Variants in PTPRO observed in about 807,000 individuals in gnomAD.
The protein encoded by PTPRO is protein tyrosine phosphatase receptor type O.
Under a neutral mutation model 145.2 loss-of-function variants are expected in PTPRO, and 62 were observed. That is an observed-to-expected ratio of 0.43 (90% CI 0.35 to 0.53). The LOEUF (loss-of-function observed/expected upper bound fraction) is 0.53. PTPRO is among the 20% of genes least tolerant of loss of function. The pLI is 0.01. For missense variants in PTPRO, 1,345 were observed against 1,482.7 expected, an observed-to-expected ratio of 0.91 and a Z score of 1.53; for synonymous variants, 565 against 514.7, an observed-to-expected ratio of 1.10 and a Z score of -1.32.
intron 12 of PTPRO, among the ~76,000 whole-genome samples, chr12:15,545,485 GA>G (rs1385542008): frequency 6.6e-6 from 1 of 150,762 alleles, no homozygotes; most frequent in East Asian, 2.0e-4. Context: ...GTCACAAGCA[GA>G]AGACCAGGAG....
intron 1 of PTPRO, among the ~76,000 whole-genome samples, chr12:15,399,519 A>T (rs191002154): frequency 6.6e-6 from 1 of 152,278 alleles, no homozygotes; most frequent in African/African-American, 2.4e-5. Context: ...ACTTTGTCCC[A>T]CTAATCTAGA....
At chr12:15,546,533 A>G (rs1209370275) in intron 12 of PTPRO, 36 bp from the exon 13 acceptor site, 1 of 1,551,986 alleles carries the variant, frequency 6.4e-7, no homozygotes, top group Admixed American at 2.0e-5. Flanking sequence ...TACACTTAGT[A>G]AATTAAATTT....
At chr12:15,444,479 T>C (rs1302235898) in intron 1 of PTPRO, among the ~76,000 whole-genome samples, 1 of 151,518 alleles carries the variant, frequency 6.6e-6, no homozygotes, top group Non-Finnish European at 1.5e-5. Flanking sequence ...TACCCCCAAA[T>C]CAAAACTAAA....
At chr12:15,465,972 T>G (rs949048062) in intron 1 of PTPRO, among the ~76,000 whole-genome samples, 1 of 152,172 alleles carries the variant, frequency 6.6e-6, no homozygotes. Flanking sequence ...TATTGGATAC[T>G]TAGAATGCAC....
At chr12:15,433,900 G>C (rs971647043) in intron 1 of PTPRO, among the ~76,000 whole-genome samples, 11 of 152,222 alleles carry the variant, frequency 7.2e-5, no homozygotes, top group Admixed American at 2.0e-4. Flanking sequence ...GAAAAATGCC[G>C]TTGGTAGTTA....
intron 1 of PTPRO, 118 bp from the exon 2 acceptor site, chr12:15,483,856 C>A: frequency 9.0e-7 from 1 of 1,106,124 alleles, no homozygotes; most frequent in Non-Finnish European, 1.3e-6. Flanking sequence ...TAAGGCTTAC[C>A]ATAAACATAA....
At chr12:15,361,893 A>G (rs1034504) in intron 1 of PTPRO, among the ~76,000 whole-genome samples, 31,119 of 152,154 alleles carry the variant, frequency 0.2, 3,681 homozygotes, top group Non-Finnish European at 0.27. Context: ...ATTATTTGCA[A>G]TGGAAATGGA....
intron 1 of PTPRO, among the ~76,000 whole-genome samples, chr12:15,462,688 G>A (rs912884436): frequency 8.6e-5 from 13 of 152,006 alleles, no homozygotes; most frequent in African/African-American, 2.9e-4. Flanking sequence ...ATAATAATAA[G>A]CTCTAAATAT....
intron 1 of PTPRO, among the ~76,000 whole-genome samples, chr12:15,478,507 T>A (rs1177571987): frequency 1.3e-5 from 2 of 152,106 alleles, no homozygotes; most frequent in Non-Finnish European, 2.9e-5. Flanking sequence ...AAGATCAATT[T>A]TTCTTTTTAA....
chr12:15,569,604 A>C lies in PTPRO; in HGVS notation c.2829+106A>C, dbSNP rs1279051511. The stretch of plus-strand genomic sequence containing the variant: ...TGCTCACTGGCAGTGCGTAACAAAA[A>C]GGGTATTGGCCTGGGGATTGCTGAT... On this transcript the variant is annotated intron_variant, in intron 19 of 26. Coordinates refer to ENST00000281171, the MANE Select transcript of PTPRO (RefSeq NM_030667.3). 4.9e-6 allele frequency: 5 copies of C among 1,017,694 alleles called. No individual in the cohort carries two copies. In the East Asian group the frequency reaches 1.2e-4, roughly 25 times the overall value. The allele number at this position is 1,017,694 out of a possible 1,614,324, so 63.0% of individuals were successfully genotyped here.
chr12:15,400,328 A>G (rs765957606), intron 1 of PTPRO, among the ~76,000 whole-genome samples: 35 of 152,152 alleles, frequency 2.3e-4, no homozygotes, highest in Non-Finnish European at 3.7e-4. Flanking sequence ...AGTCCTAAAC[A>G]AGACCTACAA....
rs1319630888 is a variant in PTPRO at position 15,583,600 on chromosome 12, C to G, written c.3255+1799C>G. Among the ~76,000 whole-genome samples the G allele has an allele frequency of 3.9e-5, 6 of 152,090 alleles. No individual in the cohort carries two copies. The East Asian group carries it at 1.2e-3, about 29-fold the overall frequency. Reference sequence around the variant, plus strand: ...CCATATATAACATTTTATTAGAACACAGCCTGCATTGTTGACGAATTGTCT... The same window carrying G: ...CCATATATAACATTTTATTAGAACAGAGCCTGCATTGTTGACGAATTGTCT... On this transcript the variant is annotated intron_variant, in intron 23 of 26. Coordinates refer to ENST00000281171, the MANE Select transcript of PTPRO (RefSeq NM_030667.3).
intron 15 of PTPRO, among the ~76,000 whole-genome samples, chr12:15,557,186 A>G (rs1486005782): frequency 3.9e-5 from 6 of 152,018 alleles, no homozygotes; most frequent in Non-Finnish European, 8.8e-5. Context: ...GATTACAGGC[A>G]AGTGCCACCA....
intron 22 of PTPRO, among the ~76,000 whole-genome samples, chr12:15,581,364 G>T (rs1275959871): frequency 1.4e-5 from 2 of 139,582 alleles, no homozygotes; most frequent in Non-Finnish European, 1.5e-5. Flanking sequence ...GCAGTGGCAC[G>T]ATCTCAGCTC....
chr12:15,546,303 T>G lies in PTPRO; in HGVS notation c.2165-266T>G, dbSNP rs78207803. 2,666 of 1,266,948 alleles carry G rather than the reference T, an allele frequency of 2.1e-3. 28 individuals are homozygous for G. In the African/African-American group the frequency reaches 0.032, roughly 15 times the overall value. 78.5% of individuals were successfully genotyped at this position (1,266,948 alleles called of 1,614,324 possible). A position where few individuals can be genotyped will look rare whatever the true frequency, so the allele number is the denominator to read the frequency against. On this transcript the variant is annotated intron_variant, in intron 12 of 26. Coordinates refer to ENST00000281171, the MANE Select transcript of PTPRO (RefSeq NM_030667.3). Reference sequence around the variant, plus strand: ...AATGACACAGAAACTATTAATAGATTATGACTATGATGAAACTGAAGTAGA... The same window carrying G: ...AATGACACAGAAACTATTAATAGATGATGACTATGATGAAACTGAAGTAGA...
chr12:15,588,413 G>C (rs898962471), intron 24 of PTPRO, among the ~76,000 whole-genome samples: 3 of 152,132 alleles, frequency 2.0e-5, no homozygotes, highest in Admixed American at 2.0e-4. Context: ...TTGAGGATTA[G>C]AGGGAAAAAA....
intron 1 of PTPRO, among the ~76,000 whole-genome samples, chr12:15,465,389 A>G (rs886279213): frequency 4.6e-5 from 7 of 152,260 alleles, no homozygotes; most frequent in African/African-American, 1.4e-4. Context: ...TAACCTGAAC[A>G]TATTTCTTCT....
chr12:15,502,008 A>G lies in PTPRO; in HGVS notation c.1050A>G (p.Leu350=), dbSNP rs1326024805. ...CTGTGCAAATGATATTGACCTGGTT[A>G]CCACCCAAACCACCCACTGCTTTTG... ...FFPVQMILTW[L]PPKPPTAFDG... Residue 350 remains leucine, a synonymous_variant, in exon 5 of 27, where the codon TTA becomes TTG. Transcript: ENST00000281171. The G allele has an allele frequency of 6.2e-7, 1 of 1,613,868 alleles. No individual in the cohort carries two copies. Among genetic ancestry groups the G allele is most frequent in the Non-Finnish European group, 8.5e-7 (1 of 1,179,902 alleles).
chr12:15,456,187 T>G (rs1167032972), intron 1 of PTPRO, among the ~76,000 whole-genome samples: 1 of 152,238 alleles, frequency 6.6e-6, no homozygotes, highest in Non-Finnish European at 1.5e-5. Flanking sequence ...AAAAGGGTAT[T>G]GAATTTTATC....
Sources: allele counts gnomAD v4.1 joint callset (sites outside exome capture counted in the v4.1 genomes callset), GRCh38; gene constraint gnomAD v4.1.1; transcripts MANE v1.5; gene names NCBI Gene and HGNC (gene_info 2026-07-23, HGNC 2026-07-21).